ZNF236: variants seen among roughly 807,000 people sequenced by gnomAD.
ZNF236 encodes zinc finger protein 236, also known as regulated by glucose.
ZNF236 carries 50 observed loss-of-function variants against 191.2 expected under a neutral mutation model. The observed-to-expected ratio is 0.26, with a 90% CI of 0.21 to 0.33. ZNF236 has a LOEUF of 0.33. Ranked by LOEUF, ZNF236 falls within the 10% of genes least tolerant of loss-of-function variation. The pLI, the probability that ZNF236 is intolerant of heterozygous loss-of-function variation, is 1.00. For synonymous variants in ZNF236, 907 were observed against 928.8 expected (o/e 0.98, Z 0.43); for missense variants, 1,754 against 2,374.5 (o/e 0.74, Z 5.43).
At chr18:76,966,218 C>G (rs767805458) in intron 30 of ZNF236, among the ~76,000 whole-genome samples, 1 of 152,134 alleles carries the variant, frequency 6.6e-6, no homozygotes, top group Admixed American at 6.5e-5. Flanking sequence ...CCCTTTGAGT[C>G]GGAGGTGCAG....
chr18:76,972,449 T>C lies in ZNF236; in HGVS notation c.*4110T>C, dbSNP rs1968920609. 6.6e-6 allele frequency among the ~76,000 whole-genome samples: 1 copy of C among 151,106 alleles called. No individual in the cohort carries two copies. The highest frequency in any genetic ancestry group is 6.6e-5 in the Admixed American group (1 of 15,110). ...CACCCTCACACACTCACCCACACAC[T>C]CACCCTCACACTCACCCACACACCC... On this transcript the variant is annotated 3_prime_UTR_variant, in exon 31 of 31. Coordinates refer to ENST00000320610, the MANE Select transcript of ZNF236 (RefSeq NM_001306089.2).
At chr18:76,866,778 GTTC>G (rs1214578899) in intron 3 of ZNF236, among the ~76,000 whole-genome samples, 4 of 152,174 alleles carry the variant, frequency 2.6e-5, no homozygotes, top group African/African-American at 4.8e-5. Context: ...ATGGGGTGTT[GTTC>G]TTCTTACAGA....
chr18:76,955,346 G>A (rs1968498288), intron 27 of ZNF236, among the ~76,000 whole-genome samples: 1 of 152,188 alleles, frequency 6.6e-6, no homozygotes, highest in Admixed American at 6.5e-5. Context: ...GAGCCCAGGA[G>A]TTTGAGGCTG....
At chr18:76,910,282 A>G in intron 15 of ZNF236, 113 bp downstream of exon 15, 2 of 909,484 alleles carry the variant, frequency 2.2e-6, no homozygotes, top group Non-Finnish European at 3.2e-6. Flanking sequence ...GTATGGTTTC[A>G]AACCAAATAA....
rs1050716768 is a variant in ZNF236 at position 76,847,768 on chromosome 18, G to A, written c.56-1758G>A. 9.9e-5 allele frequency among the ~76,000 whole-genome samples: 15 copies of A among 152,164 alleles called. No homozygotes were observed. In the South Asian group the frequency reaches 2.5e-3, roughly 25 times the overall value. ...TGGGACTACAGGCGTGAGCCCCTCCGCCCGGCCCCAGCAATCATTTGATTT... is the reference window on the plus strand; with the variant it reads ...TGGGACTACAGGCGTGAGCCCCTCCACCCGGCCCCAGCAATCATTTGATTT... On this transcript the variant is annotated intron_variant, in intron 1 of 30. Transcript: ENST00000320610.
chr18:76,856,088 A>G (rs1324962979), intron 3 of ZNF236, among the ~76,000 whole-genome samples: 3 of 152,244 alleles, frequency 2.0e-5, no homozygotes, highest in Non-Finnish European at 4.4e-5. Context: ...TTAAAAAAAA[A>G]TAGAAATCAG....
At chr18:76,952,672 G>A (rs1427245992) in intron 27 of ZNF236, among the ~76,000 whole-genome samples, 1 of 152,196 alleles carries the variant, frequency 6.6e-6, no homozygotes, top group Non-Finnish European at 1.5e-5. Context: ...GCCAGGCACA[G>A]TAGCTCACAC....
chr18:76,935,323 T>C (rs1471957129), intron 25 of ZNF236, among the ~76,000 whole-genome samples: 1 of 152,352 alleles, frequency 6.6e-6, no homozygotes, highest in East Asian at 1.9e-4. Context: ...ACTGTTTGAG[T>C]TGAAATACGA....
At chr18:76,932,466 T>G (rs996096575) in intron 25 of ZNF236, among the ~76,000 whole-genome samples, 1 of 152,256 alleles carries the variant, frequency 6.6e-6, no homozygotes, top group African/African-American at 2.4e-5. Flanking sequence ...AGTGTGTTCT[T>G]CTCATCTCTA....
intron 1 of ZNF236, chr18:76,824,045 T>C (rs970308910): frequency 2.4e-6 from 1 of 410,240 alleles, no homozygotes; most frequent in African/African-American, 2.0e-5. Flanking sequence ...CGTTGATTTT[T>C]ATTTAACTGT....
At position 76,905,262 on chromosome 18, in the gene ZNF236, T is replaced by A; in HGVS notation, c.2144T>A (p.Phe715Tyr). Residue 715 changes from phenylalanine (F) to tyrosine (Y), a missense_variant, in exon 13 of 31, where the codon TTC (phenylalanine) becomes TAC (tyrosine). This residue lies in a region of ZNF236 where 641 missense variants were observed against 869.6 expected (regional missense o/e 0.74). Transcript: ENST00000320610. ...AGAACACACACAGGACTGAAATCTTTCAAGTGTCTGATATGTAATGGGGCT... is the reference window on the plus strand; with the variant it reads ...AGAACACACACAGGACTGAAATCTTACAAGTGTCTGATATGTAATGGGGCT... ...HIRTHTGLKS[F>Y]KCLICNGAFT... The A allele has an allele frequency of 6.2e-7, 1 of 1,614,210 alleles. No individual in the cohort carries two copies. The highest frequency in any genetic ancestry group is 1.1e-5 in the South Asian group (1 of 91,084).
intron 3 of ZNF236, among the ~76,000 whole-genome samples, chr18:76,864,520 T>TAC (rs529516958): frequency 6.6e-6 from 1 of 151,800 alleles, no homozygotes; most frequent in African/African-American, 2.4e-5. Flanking sequence ...TACACACACA[T>TAC]ACACACACAC....
chr18:76,875,757 TA>T lies in ZNF236; in HGVS notation c.840+100del, dbSNP rs201403263. 380 of 1,261,868 alleles carry T rather than the reference TA, an allele frequency of 3.0e-4. 3 individuals carry two copies. The East Asian group carries it at 6.0e-3, about 20-fold the overall frequency. 78.2% of individuals were successfully genotyped at this position (1,261,868 alleles called of 1,614,324 possible). A position where few individuals can be genotyped will look rare whatever the true frequency, so the allele number is the denominator to read the frequency against. On this transcript the variant is annotated intron_variant, in intron 6 of 30. Coordinates refer to ENST00000320610, the MANE Select transcript of ZNF236 (RefSeq NM_001306089.2). The surrounding 1 kb of genome is among the most constrained non-coding windows in gnomAD (Gnocchi z 4.3). ...CGGACCTGAGAAATTCTTTTCCATT[TA>T]AAAAAATGCAGATTGATTTTGTGCC...
At chr18:76,855,252 A>G (rs1383129933) in intron 3 of ZNF236, among the ~76,000 whole-genome samples, 1 of 152,206 alleles carries the variant, frequency 6.6e-6, no homozygotes, top group Non-Finnish European at 1.5e-5. Context: ...CCGAAAATGT[A>G]TTAAATAATG....
chr18:76,964,220 A>G (rs1224313293), intron 30 of ZNF236, among the ~76,000 whole-genome samples: 1 of 152,186 alleles, frequency 6.6e-6, no homozygotes, highest in Non-Finnish European at 1.5e-5. Context: ...TCCTCCTAGC[A>G]CTGCCTTTGC....
intron 18 of ZNF236, among the ~76,000 whole-genome samples, chr18:76,914,737 G>A (rs760903973): frequency 7.9e-5 from 12 of 152,288 alleles, no homozygotes; most frequent in Non-Finnish European, 1.8e-4. Context: ...GCCTTATTGA[G>A]TTGTAAGAGG....
At position 76,851,900 on chromosome 18, in the gene ZNF236, T is replaced by A; in HGVS notation, c.324T>A (p.Ala108=). ...GTAACAAGAAATTCTCCAGAGTGGCTAGTCTCAAAGCGCATATTATGCTAC... is the reference window on the plus strand; with the variant it reads ...GTAACAAGAAATTCTCCAGAGTGGCAAGTCTCAAAGCGCATATTATGCTAC... ...PVCNKKFSRV[A]SLKAHIMLHE... The change falls in exon 3 of 31, where the codon GCT becomes GCA. Residue 108 remains alanine (A), a synonymous_variant. Coordinates refer to ENST00000320610, the MANE Select transcript of ZNF236 (RefSeq NM_001306089.2). 6.2e-7 allele frequency: 1 copy of A among 1,613,816 alleles called. No homozygotes were observed. The highest frequency in any genetic ancestry group is 8.5e-7 in the Non-Finnish European group (1 of 1,179,860).
At chr18:76,918,823 G>A (rs77252134) in intron 19 of ZNF236, among the ~76,000 whole-genome samples, 6,354 of 152,200 alleles carry the variant, frequency 0.042, 204 homozygotes, top group African/African-American at 0.091. Context: ...CCAAAGCGGT[G>A]GGATTACAGG....
Position 76,875,546 on chromosome 18 carries a change from C to T in ZNF236, c.722C>T (p.Ala241Val). The change falls in exon 6 of 31, where the codon GCA (alanine) becomes GTA (valine). Residue 241 changes from alanine (A) to valine (V), a missense_variant. By Grantham distance (64) the Ala-to-Val change is moderately conservative. Transcript: ENST00000320610. This position sits in a 1 kb window ranked among gnomAD's most constrained non-coding sequence, Gnocchi z 4.3. The stretch of plus-strand genomic sequence containing the variant: ...GGAAAGGCTTTTAACCAGAAGGGGG[C>T]ACTGCAGACCCACATGATCAAGCAC... ...ECGKAFNQKG[A>V]LQTHMIKHTG... 6.3e-7 allele frequency: 1 copy of T among 1,589,440 alleles called. No homozygotes were observed. The highest frequency in any genetic ancestry group is 8.6e-7 in the Non-Finnish European group (1 of 1,165,826).
Sources: allele counts gnomAD v4.1 joint callset (sites outside exome capture counted in the v4.1 genomes callset), GRCh38; gene constraint gnomAD v4.1.1; regional missense constraint gnomAD v4.1.1; non-coding constraint Gnocchi (gnomAD v3.1); transcripts MANE v1.5; gene names NCBI Gene and HGNC (gene_info 2026-07-23, HGNC 2026-07-21).